Variants in NAV3 observed in about 807,000 individuals in gnomAD.
The protein encoded by NAV3 is neuron navigator 3.
In NAV3, 87 loss-of-function variants were observed where a neutral mutation model predicts 244.7. The observed-to-expected ratio is 0.36, with a 90% CI of 0.30 to 0.42. NAV3 has a LOEUF of 0.42. Among genes scored for constraint, NAV3 ranks in the 20% least tolerant of loss-of-function variants. NAV3 has a pLI of 1.00. For synonymous variants in NAV3, 1,126 were observed against 1,042.2 expected (o/e 1.08, Z -1.55); for missense variants, 2,663 against 2,893.3 (o/e 0.92, Z 1.83).
At chr12:78,059,538 C>T (rs975191199) in intron 12 of NAV3, among the ~76,000 whole-genome samples, 22 of 152,052 alleles carry the variant, frequency 1.4e-4, no homozygotes, top group Non-Finnish European at 2.1e-4. Flanking sequence ...CCACCCGCCT[C>T]GGCCTCCCAA....
chr12:77,748,530 G>A (rs1868674965), intron 2 of NAV3, among the ~76,000 whole-genome samples: 1 of 152,106 alleles, frequency 6.6e-6, no homozygotes, highest in Non-Finnish European at 1.5e-5. Context: ...AAATGTGGTG[G>A]ACATGTATAC....
intron 2 of NAV3, among the ~76,000 whole-genome samples, chr12:77,741,131 C>CA (rs1868319981): frequency 4.7e-4 from 2 of 4,236 alleles, no homozygotes; most frequent in African/African-American, 9.2e-4. Context: ...TAGAAATAGT[C>CA]AAAGAAAAAA....
chr12:77,946,128 A>G (rs1444010322), intron 3 of NAV3, among the ~76,000 whole-genome samples: 1 of 147,478 alleles, frequency 6.8e-6, no homozygotes, highest in Non-Finnish European at 1.5e-5. Flanking sequence ...ATATTGTGTA[A>G]ATATACACAT....
At chr12:77,706,314 G>T (rs141218350) in intron 2 of NAV3, among the ~76,000 whole-genome samples, 16 of 151,428 alleles carry the variant, frequency 1.1e-4, no homozygotes, top group African/African-American at 3.9e-4. Flanking sequence ...TAAACTTCTA[G>T]GAGTACATAC....
At chr12:77,692,883 A>T (rs1380422733) in intron 2 of NAV3, among the ~76,000 whole-genome samples, 1 of 152,200 alleles carries the variant, frequency 6.6e-6, no homozygotes, top group Non-Finnish European at 1.5e-5. Context: ...ATAATATAAT[A>T]CTAGAAACAT....
At chr12:78,139,158 T>C (rs1166200406) in intron 19 of NAV3, among the ~76,000 whole-genome samples, 1 of 152,152 alleles carries the variant, frequency 6.6e-6, no homozygotes, top group African/African-American at 2.4e-5. Flanking sequence ...GTAATAGCTT[T>C]GCCCAAGTTA....
At chr12:78,087,060 T>G (rs1004312952) in intron 12 of NAV3, among the ~76,000 whole-genome samples, 1 of 152,042 alleles carries the variant, frequency 6.6e-6, no homozygotes, top group Non-Finnish European at 1.5e-5. Flanking sequence ...TTGGTGTTTA[T>G]TTTCTTTAAG....
chr12:77,946,022 G>C (rs1890305777), intron 3 of NAV3, among the ~76,000 whole-genome samples: 1 of 150,078 alleles, frequency 6.7e-6, no homozygotes, highest in South Asian at 2.1e-4. Flanking sequence ...GCCTCCCAAA[G>C]TACTGGGATT....
chr12:77,632,549 T>A (rs1871960821), intron 2 of NAV3, among the ~76,000 whole-genome samples: 2 of 152,154 alleles, frequency 1.3e-5, no homozygotes, highest in South Asian at 2.1e-4. Context: ...CCCCCATGAT[T>A]CATTTACCTC....
At chr12:77,873,773 T>TATATATA (rs762527287) in intron 1 of NAV3, among the ~76,000 whole-genome samples, 1 of 128,624 alleles carries the variant, frequency 7.8e-6, no homozygotes, top group African/African-American at 2.9e-5. Context: ...TATATGTATA[T>TATATATA]AACAGCATAT....
intron 9 of NAV3, among the ~76,000 whole-genome samples, chr12:78,035,270 G>A (rs1566042045): frequency 6.6e-6 from 1 of 152,038 alleles, no homozygotes; most frequent in Non-Finnish European, 1.5e-5. Flanking sequence ...TAATATCTCT[G>A]CATATTTCTC....
At chr12:77,590,875 T>C (rs1174185894) in intron 2 of NAV3, among the ~76,000 whole-genome samples, 1 of 152,240 alleles carries the variant, frequency 6.6e-6, no homozygotes, top group Non-Finnish European at 1.5e-5. Context: ...TTAGCTTCAG[T>C]TTATTCATTT....
At chr12:77,783,753 G>C (rs1870779811) in intron 2 of NAV3, among the ~76,000 whole-genome samples, 1 of 152,138 alleles carries the variant, frequency 6.6e-6, no homozygotes, top group Non-Finnish European at 1.5e-5. Flanking sequence ...TAGGTGTATT[G>C]CTTCTTTGCA....
At chr12:77,990,475 C>T (rs1319017756) in intron 5 of NAV3, among the ~76,000 whole-genome samples, 1 of 152,086 alleles carries the variant, frequency 6.6e-6, no homozygotes, top group African/African-American at 2.4e-5. Flanking sequence ...ATCTAAGAGG[C>T]CTGATGGTCA....
chr12:78,094,995 C>G (rs35189416), intron 12 of NAV3, among the ~76,000 whole-genome samples: 1 of 149,778 alleles, frequency 6.7e-6, no homozygotes, highest in Admixed American at 6.7e-5. Context: ...TGCAGTGAGC[C>G]GAGATCATGC....
intron 1 of NAV3, among the ~76,000 whole-genome samples, chr12:77,938,549 C>T (rs1593054365): frequency 6.6e-6 from 1 of 152,114 alleles, no homozygotes; most frequent in Non-Finnish European, 1.5e-5. Flanking sequence ...TCTTATGATG[C>T]CAGTAGGACT....
At chr12:77,739,120 GC>G (rs1382967716) in intron 2 of NAV3, among the ~76,000 whole-genome samples, 2 of 149,692 alleles carry the variant, frequency 1.3e-5, no homozygotes, top group East Asian at 4.1e-4. Context: ...CAAGGAATTA[GC>G]CTTCGTTATC....
intron 12 of NAV3, among the ~76,000 whole-genome samples, chr12:78,084,578 A>G (rs1953527499): frequency 6.6e-6 from 1 of 151,922 alleles, no homozygotes. Flanking sequence ...CCCTTGAGCC[A>G]CCACTCTCTC....
intron 18 of NAV3, 45 bp downstream of exon 18, chr12:78,128,911 C>G (rs768798133): frequency 1.3e-6 from 2 of 1,562,438 alleles, no homozygotes; most frequent in Non-Finnish European, 1.8e-6. Flanking sequence ...TCTTTCACCA[C>G]CCACTCTCAC....
Sources: allele counts gnomAD v4.1 joint callset (sites outside exome capture counted in the v4.1 genomes callset), GRCh38; gene constraint gnomAD v4.1.1; transcripts MANE v1.5; gene names NCBI Gene and HGNC (gene_info 2026-07-23, HGNC 2026-07-21).